Variants in RCSD1 observed in about 807,000 individuals in gnomAD.
RCSD1 encodes the protein RCSD domain containing 1, also known as capZ-interacting protein.
Under a neutral mutation model 42.5 loss-of-function variants are expected in RCSD1, and 26 were observed. The observed-to-expected ratio is 0.61, with a 90% CI of 0.45 to 0.85. The LOEUF is 0.85. Ranked by LOEUF, RCSD1 falls within the 40% of genes least tolerant of loss-of-function variation. The pLI, the probability that RCSD1 is intolerant of heterozygous loss-of-function variation, is 0.00. For missense variants in RCSD1, 571 were observed against 528.3 expected (o/e 1.08, Z -0.79); for synonymous variants, 220 against 212.2 (o/e 1.04, Z -0.32).
At chr1:167,649,082 T>A (rs140624043) in intron 1 of RCSD1, among the ~76,000 whole-genome samples, 22 of 152,314 alleles carry the variant, frequency 1.4e-4, no homozygotes, top group African/African-American at 5.1e-4. Flanking sequence ...GATCTGAGTA[T>A]GACCTAGGTA....
chr1:167,683,841 C>T (rs1415440505), intron 1 of RCSD1, 59 bp from the exon 2 acceptor site: 1 of 1,507,286 alleles, frequency 6.6e-7, no homozygotes, highest in Non-Finnish European at 9.2e-7. Flanking sequence ...AAACAGGTGC[C>T]TTGCATGGCA....
chr1:167,632,571 G>A (rs899133047), intron 1 of RCSD1, among the ~76,000 whole-genome samples: 3 of 152,126 alleles, frequency 2.0e-5, no homozygotes, highest in African/African-American at 4.8e-5. Context: ...GAGATGTGTA[G>A]TAACTTATGC....
rs1659722441 is a variant in RCSD1, at chr1:167,704,936, T to G, written c.*240T>G. The G allele has an allele frequency of 2.1e-6, 1 of 481,488 alleles. No homozygotes were observed. Among genetic ancestry groups the G allele is most frequent in the Non-Finnish European group, 3.8e-6 (1 of 261,122 alleles). 29.8% of individuals were successfully genotyped at this position (481,488 alleles called of 1,614,324 possible). A position where few individuals can be genotyped will look rare whatever the true frequency, so the allele number is the denominator to read the frequency against. ...ATCAGCTTGAGTTTATGTCATTTGATGGACTTGGTTCAACAACAAGAACTT... is the reference window on the plus strand; with the variant it reads ...ATCAGCTTGAGTTTATGTCATTTGAGGGACTTGGTTCAACAACAAGAACTT... On this transcript the variant is annotated 3_prime_UTR_variant, in exon 7 of 7. Coordinates refer to ENST00000367854, the MANE Select transcript of RCSD1 (RefSeq NM_052862.4).
rs111706921 is a variant in RCSD1 at position 167,678,695 on chromosome 1, T to C, written c.7-5205T>C. Among the ~76,000 whole-genome samples the C allele has an allele frequency of 4.4e-3, 663 of 152,134 alleles. 4 individuals carry two copies. Among genetic ancestry groups the C allele is most frequent in the African/African-American group, 0.016 (643 of 41,482 alleles). ...CAGGTCACGTCCCTCCTTGAAACCC[T>C]CCAAATGACATCCTGCTGGTTCAAG... On this transcript the variant is annotated intron_variant, in intron 1 of 6. Coordinates refer to ENST00000367854, the MANE Select transcript of RCSD1 (RefSeq NM_052862.4).
At chr1:167,694,546 A>T (rs1659452471) in intron 5 of RCSD1, among the ~76,000 whole-genome samples, 1 of 152,166 alleles carries the variant, frequency 6.6e-6, no homozygotes, top group African/African-American at 2.4e-5. Context: ...CAACCCCAAG[A>T]CAAGCCTGGG....
chr1:167,696,276 A>G (rs1029636810), intron 5 of RCSD1, among the ~76,000 whole-genome samples: 1 of 152,140 alleles, frequency 6.6e-6, no homozygotes, highest in Admixed American at 6.5e-5. Flanking sequence ...CAATAAAATC[A>G]TAAGTTATCT....
intron 1 of RCSD1, among the ~76,000 whole-genome samples, chr1:167,634,937 T>TGA (rs201892781): frequency 3.3e-5 from 3 of 89,926 alleles, no homozygotes; most frequent in Admixed American, 2.4e-4. Context: ...ATTACTATGA[T>TGA]GAGAGTGTGT....
chr1:167,704,750 G>A lies in RCSD1; in HGVS notation c.*54G>A. 3 of 1,561,144 alleles carry A rather than the reference G, an allele frequency of 1.9e-6. No individual in the cohort carries two copies. Among genetic ancestry groups the A allele is most frequent in the Non-Finnish European group, 2.6e-6 (3 of 1,134,150 alleles). On this transcript the variant is annotated 3_prime_UTR_variant, in exon 7 of 7. Transcript: ENST00000367854. ...AGTTGCTGGACACATCTCTTTGCAG[G>A]TAGCAGCAACAGTTGTAGCAGCAGC...
At position 167,630,278 on chromosome 1, in the gene RCSD1, CA is replaced by C; in HGVS notation, c.-145del. ...GCCGGGGCAGTCCCGCAGCCGAGCG[CA>C]GCCGGGCGCGCGCCACCGCCCACTC... On this transcript the variant is annotated 5_prime_UTR_variant, in exon 1 of 7. Coordinates refer to ENST00000367854, the MANE Select transcript of RCSD1 (RefSeq NM_052862.4). The C allele has an allele frequency of 1.1e-6, 1 of 873,916 alleles. No individual in the cohort carries two copies. Among genetic ancestry groups the C allele is most frequent in the East Asian group, 3.5e-5 (1 of 28,174 alleles). 54.1% of individuals were successfully genotyped at this position (873,916 alleles called of 1,614,324 possible).
At chr1:167,654,754 AC>A (rs1171541114) in intron 1 of RCSD1, among the ~76,000 whole-genome samples, 2 of 152,202 alleles carry the variant, frequency 1.3e-5, no homozygotes, top group African/African-American at 2.4e-5. Context: ...CAGTTAGGTA[AC>A]CATAATCTCT....
chr1:167,687,681 A>C (rs1312795305), intron 3 of RCSD1, among the ~76,000 whole-genome samples: 1 of 152,224 alleles, frequency 6.6e-6, no homozygotes, highest in Non-Finnish European at 1.5e-5. Flanking sequence ...GGGGGCCTGC[A>C]GGGAGGGACC....
At chr1:167,670,342 T>C (rs180694889) in intron 1 of RCSD1, among the ~76,000 whole-genome samples, 65 of 134,876 alleles carry the variant, frequency 4.8e-4, no homozygotes, top group East Asian at 4.3e-3. Flanking sequence ...TTTCCCACTC[T>C]TTCCCTTTGC....
chr1:167,630,319 G>T lies in RCSD1; in HGVS notation c.-105G>T. 8.1e-7 allele frequency: 1 copy of T among 1,237,972 alleles called. No individual in the cohort carries two copies. The highest frequency in any genetic ancestry group is 1.0e-6 in the Non-Finnish European group (1 of 971,880). 76.7% of individuals were successfully genotyped at this position (1,237,972 alleles called of 1,614,324 possible). A position where few individuals can be genotyped will look rare whatever the true frequency, so the allele number is the denominator to read the frequency against. ...ACCGCCCACTCGCCCTGTGCCCGCC[G>T]CAGCCCGAAACTGGCCACGGCCGGG... On this transcript the variant is annotated 5_prime_UTR_variant, in exon 1 of 7. Coordinates refer to ENST00000367854, the MANE Select transcript of RCSD1 (RefSeq NM_052862.4).
At chr1:167,693,218 G>T (rs956092668) in intron 4 of RCSD1, among the ~76,000 whole-genome samples, 2 of 152,184 alleles carry the variant, frequency 1.3e-5, no homozygotes, top group Admixed American at 1.3e-4. Flanking sequence ...GGGTCTGCAG[G>T]ACGCAGCTCT....
At chr1:167,659,826 T>C (rs1658502468) in intron 1 of RCSD1, among the ~76,000 whole-genome samples, 1 of 152,166 alleles carries the variant, frequency 6.6e-6, no homozygotes, top group African/African-American at 2.4e-5. Context: ...GGGATAGATG[T>C]GGAATGTCCC....
At chr1:167,690,919 C>A (rs1039209462) in intron 4 of RCSD1, among the ~76,000 whole-genome samples, 1 of 152,162 alleles carries the variant, frequency 6.6e-6, no homozygotes, top group African/African-American at 2.4e-5. Context: ...CCTCCCGTGC[C>A]CAGGGCTGGC....
At chr1:167,632,444 C>G (rs1195248166) in intron 1 of RCSD1, among the ~76,000 whole-genome samples, 2 of 152,154 alleles carry the variant, frequency 1.3e-5, no homozygotes, top group Non-Finnish European at 2.9e-5. Context: ...GTTTCTCCCC[C>G]CTCAGATGAG....
intron 1 of RCSD1, among the ~76,000 whole-genome samples, chr1:167,674,678 T>C (rs553144173): frequency 6.6e-6 from 1 of 152,344 alleles, no homozygotes; most frequent in Admixed American, 6.5e-5. Flanking sequence ...TTTCTTTCTC[T>C]CTGAATTTGC....
chr1:167,694,056 T>G (rs768090513), intron 4 of RCSD1, 43 bp from the exon 5 acceptor site: 2 of 1,596,360 alleles, frequency 1.3e-6, no homozygotes, highest in Non-Finnish European at 1.7e-6. Context: ...GGCTCTGATC[T>G]TCTCCCTAGT....
Sources: allele counts gnomAD v4.1 joint callset (sites outside exome capture counted in the v4.1 genomes callset), GRCh38; gene constraint gnomAD v4.1.1; transcripts MANE v1.5; gene names NCBI Gene and HGNC (gene_info 2026-07-23, HGNC 2026-07-21).